TMEM161B: variants seen among roughly 807,000 people sequenced by gnomAD.
TMEM161B encodes the protein transmembrane protein 161B.
Under a neutral mutation model 61.8 loss-of-function variants are expected in TMEM161B, and 34 were observed. The ratio of observed to expected loss-of-function variants is 0.55; its 90% CI spans 0.42 to 0.73. The LOEUF (loss-of-function observed/expected upper bound fraction) is 0.73, where lower values mean the gene tolerates loss of function less well. Among genes scored for constraint, TMEM161B ranks in the 30% least tolerant of loss-of-function variants. The pLI, the probability that TMEM161B is intolerant of heterozygous loss-of-function variation, is 0.00. For synonymous variants in TMEM161B, 167 were observed against 192.8 expected (o/e 0.87, Z 1.11); for missense variants, 456 against 558.5 (o/e 0.82, Z 1.85).
rs1749461723 is a variant in TMEM161B at position 88,195,397 on chromosome 5, TAGTC to T, written c.*810_*813del. ...ATAATATATATACAATACATACAGG[TAGTC>T]AGCAGGTTTACAAAGTAATTTCTTT... On this transcript the variant is annotated 3_prime_UTR_variant, in exon 12 of 12. Transcript: ENST00000296595. The T allele has an allele frequency of 1.2e-6, 1 of 850,400 alleles. No homozygotes were observed. The highest frequency in any genetic ancestry group is 5.4e-5 in the South Asian group (1 of 18,426). The allele number at this position is 850,400 out of a possible 1,614,324, so 52.7% of individuals were successfully genotyped here.
chr5:88,256,243 G>A (rs1425353817), intron 1 of TMEM161B, among the ~76,000 whole-genome samples: 1 of 152,076 alleles, frequency 6.6e-6, no homozygotes, highest in South Asian at 2.1e-4. Flanking sequence ...ATAAAGCAAT[G>A]CCATAGTCAT....
At chr5:88,216,752 A>G (rs1035137920) in intron 5 of TMEM161B, among the ~76,000 whole-genome samples, 8 of 152,242 alleles carry the variant, frequency 5.3e-5, no homozygotes, top group Non-Finnish European at 1.2e-4. Context: ...GTTAAATATT[A>G]AGATGTAAGA....
At chr5:88,254,171 T>C (rs1754683747) in intron 1 of TMEM161B, among the ~76,000 whole-genome samples, 1 of 152,082 alleles carries the variant, frequency 6.6e-6, no homozygotes, top group African/African-American at 2.4e-5. Context: ...ATCTCATATA[T>C]CCTACTGAAT....
chr5:88,257,184 G>T (rs910256297), intron 1 of TMEM161B, among the ~76,000 whole-genome samples: 5 of 152,022 alleles, frequency 3.3e-5, no homozygotes, highest in Admixed American at 3.3e-4. Context: ...CACGAGAATC[G>T]CAAGACTGGG....
At chr5:88,191,100 T>C (rs142491247), downstream of TMEM161B, among the ~76,000 whole-genome samples, 5 of 152,252 alleles carry the variant, frequency 3.3e-5, no homozygotes, top group African/African-American at 9.6e-5. Flanking sequence ...TCCATTTCCA[T>C]GTCTTCATCT....
intron 1 of TMEM161B, among the ~76,000 whole-genome samples, chr5:88,264,416 A>T (rs977165473): frequency 1.3e-5 from 2 of 152,284 alleles, no homozygotes; most frequent in African/African-American, 4.8e-5. Flanking sequence ...GACAATTATT[A>T]AAAAAGTCAG....
At chr5:88,257,255 G>A (rs1357958926) in intron 1 of TMEM161B, among the ~76,000 whole-genome samples, 2 of 152,140 alleles carry the variant, frequency 1.3e-5, no homozygotes, top group Admixed American at 1.3e-4. Flanking sequence ...GGGCAACAGA[G>A]CAAGAATTTG....
chr5:88,229,757 C>T (rs970632540), intron 2 of TMEM161B, among the ~76,000 whole-genome samples: 14 of 150,648 alleles, frequency 9.3e-5, no homozygotes, highest in African/African-American at 2.9e-4. Context: ...CTGTTCCCCC[C>T]GTCCTCAAAA....
At chr5:88,237,872 T>C (rs1368306785) in intron 2 of TMEM161B, among the ~76,000 whole-genome samples, 3 of 152,074 alleles carry the variant, frequency 2.0e-5, no homozygotes, top group South Asian at 4.1e-4. Context: ...TTCCTTCAAG[T>C]ATAATTGCTT....
chr5:88,250,340 C>G (rs914524955), intron 1 of TMEM161B, among the ~76,000 whole-genome samples: 1 of 152,002 alleles, frequency 6.6e-6, no homozygotes, highest in African/African-American at 2.4e-5. Context: ...GGGGCCAAGA[C>G]GTGTTACAAA....
intron 1 of TMEM161B, among the ~76,000 whole-genome samples, chr5:88,252,539 T>A (rs922059215): frequency 3.9e-5 from 6 of 152,160 alleles, no homozygotes; most frequent in East Asian, 1.9e-4. Context: ...AAAATCAAAC[T>A]CTGAATGTGA....
At chr5:88,215,947 G>A (rs1747743356) in intron 5 of TMEM161B, among the ~76,000 whole-genome samples, 1 of 152,142 alleles carries the variant, frequency 6.6e-6, no homozygotes, top group Admixed American at 6.5e-5. Flanking sequence ...AGAAAGTGAG[G>A]AAAAGAATAT....
intron 4 of TMEM161B, among the ~76,000 whole-genome samples, chr5:88,224,965 G>T (rs242879): frequency 0.77 from 102,220 of 132,032 alleles, 39,853 homozygotes; most frequent in South Asian, 0.86. Context: ...ATATGTTTTT[G>T]TTTTTTTTTT....
chr5:88,191,767 C>G (rs1244308285), downstream of TMEM161B, among the ~76,000 whole-genome samples: 1 of 151,088 alleles, frequency 6.6e-6, no homozygotes, highest in Non-Finnish European at 1.5e-5. Context: ...ACCATCCTGG[C>G]TAACACTGTG....
At position 88,199,238 on chromosome 5, in the gene TMEM161B, T is replaced by C. The variant is rs937537188; in HGVS notation, c.915-88A>G. 7 of 1,331,226 alleles carry C rather than the reference T, an allele frequency of 5.3e-6. No individual in the cohort carries two copies. In the Admixed American group the frequency reaches 8.2e-5, roughly 16 times the overall value. 82.5% of individuals were successfully genotyped at this position (1,331,226 alleles called of 1,614,324 possible). On this transcript the variant is annotated intron_variant, in intron 9 of 11. Transcript: ENST00000296595. The stretch of plus-strand genomic sequence containing the variant: ...ATGTTAATGGTCACCATATAAGATA[T>C]AAGAAGTCTATACTTCGCAACAGTT...
At chr5:88,193,559 C>T (rs544230587), downstream of TMEM161B, among the ~76,000 whole-genome samples, 3 of 152,160 alleles carry the variant, frequency 2.0e-5, no homozygotes, top group East Asian at 1.9e-4. Context: ...ACTTAAAATA[C>T]TTGGTTTGCT....
In TMEM161B at chr5:88,204,754, GA is replaced by G. The variant is rs551741763; in HGVS notation, c.800+1059del. On this transcript the variant is annotated intron_variant, in intron 8 of 11. Transcript: ENST00000296595. Reference sequence around the variant, plus strand: ...GCCAAAAGCACACTGAGTAAAAGGAGAAAAAAAAAAGAAGAGGGATGAAGGA... The same window carrying G: ...GCCAAAAGCACACTGAGTAAAAGGAGAAAAAAAAAGAAGAGGGATGAAGGA... Among the ~76,000 whole-genome samples, 354 of 141,840 alleles carry G rather than the reference GA, an allele frequency of 2.5e-3. 2 individuals carry two copies. The highest frequency in any genetic ancestry group is 4.3e-3 in the Non-Finnish European group (277 of 64,904). The allele number at this position is 141,840 out of a possible 152,430, so 93.1% of individuals were successfully genotyped here. A position where few individuals can be genotyped will look rare whatever the true frequency, so the allele number is the denominator to read the frequency against.
intron 10 of TMEM161B, 124 bp downstream of exon 10, chr5:88,198,852 T>C (rs964780296): frequency 5.8e-6 from 5 of 867,824 alleles, no homozygotes; most frequent in Admixed American, 3.1e-5. Context: ...CTTAAGATTG[T>C]TCTGTTTATT....
At chr5:88,268,611 A>G in intron 1 of TMEM161B, 110 bp downstream of exon 1, 5 of 1,507,240 alleles carry the variant, frequency 3.3e-6, no homozygotes, top group Non-Finnish European at 4.6e-6. Flanking sequence ...GCTCATCCCA[A>G]CGTCTCAACT....
Sources: gnomAD v4.1 joint callset for allele counts (sites outside exome capture counted in the v4.1 genomes callset) on GRCh38, gnomAD v4.1.1 for gene constraint, MANE v1.5 for transcripts, NCBI Gene and HGNC (gene_info 2026-07-23, HGNC 2026-07-21) for gene names.